PCDH9: variants seen among roughly 807,000 people sequenced by gnomAD.
PCDH9 encodes the protein protocadherin-9.
A neutral mutation model predicts 70.6 loss-of-function variants in PCDH9; 24 were observed. The observed-to-expected ratio is 0.34, with a 90% CI of 0.25 to 0.48. PCDH9 has a LOEUF of 0.48. Among genes scored for constraint, PCDH9 ranks in the 20% least tolerant of loss-of-function variants. The pLI is 0.99. For missense variants in PCDH9, 1,281 were observed against 1,503.6 expected (o/e 0.85, Z 2.45); for synonymous variants, 562 against 558.5 (o/e 1.01, Z -0.09).
rs117713603 is a variant in PCDH9 at position 66,481,506 on chromosome 13, G to A, written c.3340+149704C>T. On this transcript the variant is annotated intron_variant, in intron 4 of 4. Transcript: ENST00000377865. ...GTACATTTTGGGACATAATGTTATT[G>A]CACACTTAATAGACTACAGTGTAGT... Among the ~76,000 whole-genome samples, 47 of 152,180 alleles carry A rather than the reference G, an allele frequency of 3.1e-4. No homozygotes were observed. The East Asian group carries it at 8.7e-3, about 28-fold the overall frequency.
At chr13:66,739,661 T>C (rs936862541) in intron 3 of PCDH9, among the ~76,000 whole-genome samples, 37 of 151,682 alleles carry the variant, frequency 2.4e-4, no homozygotes, top group Middle Eastern at 3.4e-3. Context: ...ACCAAGCAAA[T>C]GGAAAACAAA....
chr13:66,414,748 T>A lies in PCDH9; in HGVS notation c.3341-109720A>T, dbSNP rs1957433867. ...GTATAATTCTTCTCACAATAATTTG[T>A]TGTCAGCTTTGAAAGTATAATATTT... is the stretch of plus-strand genomic sequence containing the variant. On this transcript the variant is annotated intron_variant, in intron 4 of 4. Transcript: ENST00000377865. 1.3e-5 allele frequency among the ~76,000 whole-genome samples: 2 copies of A among 152,202 alleles called. 1 individual carries two copies. Among genetic ancestry groups the A allele is most frequent in the Middle Eastern group, 6.3e-3 (2 of 316 alleles).
chr13:67,185,029 T>C (rs1280814054), intron 2 of PCDH9, among the ~76,000 whole-genome samples: 3 of 152,190 alleles, frequency 2.0e-5, no homozygotes, highest in Non-Finnish European at 4.4e-5. Flanking sequence ...CTACCATTCA[T>C]GTAACTCCTA....
At chr13:66,309,694 A>C (rs1052228442) in intron 4 of PCDH9, among the ~76,000 whole-genome samples, 1 of 151,752 alleles carries the variant, frequency 6.6e-6, no homozygotes, top group South Asian at 2.1e-4. Flanking sequence ...TTGATGAATA[A>C]TATTTGTTTT....
intron 2 of PCDH9, chr13:67,208,328 A>C (rs943414172): frequency 5.9e-5 from 9 of 152,254 alleles, no homozygotes; most frequent in African/African-American, 2.2e-4. Flanking sequence ...ACATTAAAAA[A>C]TTGGTGGGCT....
At chr13:66,917,752 C>G (rs2139635746) in intron 2 of PCDH9, among the ~76,000 whole-genome samples, 2 of 151,422 alleles carry the variant, frequency 1.3e-5, no homozygotes, top group Middle Eastern at 6.8e-3. Flanking sequence ...AATAATGCTC[C>G]TTATTAATAT....
At chr13:67,008,400 G>T (rs2084392943) in intron 2 of PCDH9, among the ~76,000 whole-genome samples, 1 of 152,076 alleles carries the variant, frequency 6.6e-6, no homozygotes, top group Non-Finnish European at 1.5e-5. Flanking sequence ...ATTTTGTGAG[G>T]TGAAGACTGT....
At chr13:66,856,594 G>C (rs569155320) in intron 3 of PCDH9, among the ~76,000 whole-genome samples, 2 of 151,994 alleles carry the variant, frequency 1.3e-5, no homozygotes, top group African/African-American at 4.8e-5. Flanking sequence ...GAAAAATCAA[G>C]AGTCCCCATT....
At chr13:66,433,032 T>C (rs1477288713) in intron 4 of PCDH9, among the ~76,000 whole-genome samples, 2 of 151,906 alleles carry the variant, frequency 1.3e-5, no homozygotes, top group African/African-American at 4.8e-5. Context: ...TAAATGACAG[T>C]CTTAGGGCAG....
At chr13:66,857,658 C>T (rs2081416551) in intron 3 of PCDH9, among the ~76,000 whole-genome samples, 2 of 151,988 alleles carry the variant, frequency 1.3e-5, no homozygotes, top group South Asian at 4.1e-4. Context: ...TATTTGGGGG[C>T]TGTATATTCA....
intron 3 of PCDH9, among the ~76,000 whole-genome samples, chr13:66,747,416 A>T (rs999245523): frequency 1.3e-5 from 2 of 152,124 alleles, no homozygotes; most frequent in Admixed American, 1.3e-4. Flanking sequence ...TATATATGGC[A>T]TGACCAAAAC....
chr13:66,679,285 T>C (rs971046137), intron 3 of PCDH9, among the ~76,000 whole-genome samples: 3 of 151,720 alleles, frequency 2.0e-5, no homozygotes, highest in African/African-American at 7.2e-5. Flanking sequence ...ATAATGGTCA[T>C]TCTGTCATAA....
chr13:66,395,835 T>C (rs1191452737), intron 4 of PCDH9, among the ~76,000 whole-genome samples: 2 of 152,188 alleles, frequency 1.3e-5, no homozygotes, highest in Non-Finnish European at 2.9e-5. Flanking sequence ...ATAGTATCTT[T>C]TTTTGTGCTG....
intron 4 of PCDH9, among the ~76,000 whole-genome samples, chr13:66,444,516 AGAGAG>A (rs1469704934): frequency 2.0e-5 from 3 of 151,928 alleles, no homozygotes; most frequent in African/African-American, 7.2e-5. Context: ...AAAGAGCATT[AGAGAG>A]GAGATATTTT....
intron 4 of PCDH9, among the ~76,000 whole-genome samples, chr13:66,593,263 G>C (rs1385446211): frequency 1.3e-5 from 2 of 151,706 alleles, no homozygotes; most frequent in Admixed American, 6.6e-5. Context: ...AATTTTAATG[G>C]TGTTGAATTA....
intron 2 of PCDH9, among the ~76,000 whole-genome samples, chr13:67,133,942 T>C (rs370089343): frequency 6.6e-6 from 1 of 152,112 alleles, no homozygotes; most frequent in Non-Finnish European, 1.5e-5. Flanking sequence ...CATAGTCAAA[T>C]TTCATTAAAA....
intron 3 of PCDH9, among the ~76,000 whole-genome samples, chr13:66,790,022 C>T (rs2080139803): frequency 6.6e-6 from 1 of 152,100 alleles, no homozygotes; most frequent in Non-Finnish European, 1.5e-5. Flanking sequence ...GGGTAGTTAC[C>T]AGGTAATGCT....
intron 3 of PCDH9, among the ~76,000 whole-genome samples, chr13:66,883,176 C>T (rs145030575): frequency 4.1e-4 from 62 of 152,236 alleles, no homozygotes; most frequent in African/African-American, 1.4e-3. Flanking sequence ...ATCTACATCA[C>T]CTCTAAGGCT....
At chr13:66,468,627 T>C (rs915667525) in intron 4 of PCDH9, among the ~76,000 whole-genome samples, 1 of 152,184 alleles carries the variant, frequency 6.6e-6, no homozygotes, top group Non-Finnish European at 1.5e-5. Flanking sequence ...GCCAGTCATG[T>C]ATATTTTTGA....
Sources: allele counts gnomAD v4.1 joint callset (sites outside exome capture counted in the v4.1 genomes callset), GRCh38; gene constraint gnomAD v4.1.1; transcripts MANE v1.5; gene names NCBI Gene and HGNC (gene_info 2026-07-23, HGNC 2026-07-21).